DAB2IP: variants seen among roughly 807,000 people sequenced by gnomAD.
The protein encoded by DAB2IP is disabled homolog 2-interacting protein.
A neutral mutation model predicts 107.2 loss-of-function variants in DAB2IP; 28 were observed. That is an observed-to-expected ratio of 0.26 (90% confidence interval 0.19 to 0.36). The LOEUF (loss-of-function observed/expected upper bound fraction) is 0.36, where lower values mean the gene tolerates loss of function less well. DAB2IP is among the 10% of genes least tolerant of loss of function. The probability of loss-of-function intolerance (pLI) is 1.00; values close to 1 mark genes in which losing one functional copy is unlikely to be tolerated. For missense variants in DAB2IP, 1,400 were observed against 1,644.7 expected (o/e 0.85, Z 2.57); for synonymous variants, 755 against 706.4 (o/e 1.07, Z -1.09).
chr9:121,599,552 C>T lies in DAB2IP; in HGVS notation c.40+32324C>T, dbSNP rs1051137089. On this transcript the variant is annotated intron_variant, in intron 1 of 16. Coordinates refer to the DAB2IP transcript ENST00000259371. The surrounding 1 kb of genome is among the most constrained non-coding windows in gnomAD (Gnocchi z 6.9). ...CCCGGGAGCCGTAGAGCGGCGGCGC[C>T]GGGGGAGGCGCGGAGCCGGCCGTAG... 6.6e-6 allele frequency among the ~76,000 whole-genome samples: 1 copy of T among 151,876 alleles called. No individual in the cohort carries two copies. Among genetic ancestry groups the T allele is most frequent in the African/African-American group, 2.4e-5 (1 of 41,390 alleles).
chr9:121,714,341 T>C (rs1292371369), intron 3 of DAB2IP, among the ~76,000 whole-genome samples: 1 of 152,170 alleles, frequency 6.6e-6, no homozygotes, highest in East Asian at 1.9e-4. Context: ...CATTGTGAGA[T>C]TAATGGGAGA....
At chr9:121,744,943 T>C (rs1037585970) in intron 3 of DAB2IP, among the ~76,000 whole-genome samples, 1 of 152,096 alleles carries the variant, frequency 6.6e-6, no homozygotes, top group Admixed American at 6.5e-5. Flanking sequence ...ATGAGCCAGA[T>C]AGGGCCAAGC....
At chr9:121,763,367 G>A (rs760643524) in intron 6 of DAB2IP, 138 bp from the exon 7 acceptor site, 12 of 1,267,494 alleles carry the variant, frequency 9.5e-6, no homozygotes, top group Admixed American at 2.6e-5. Flanking sequence ...TGGGCACACT[G>A]TTCCTCTCCG....
chr9:121,626,963 C>T (rs1274864961), intron 1 of DAB2IP, among the ~76,000 whole-genome samples: 2 of 151,830 alleles, frequency 1.3e-5, no homozygotes, highest in Non-Finnish European at 2.9e-5. Flanking sequence ...CCCATCTACT[C>T]TCTGTGCTCA....
At chr9:121,610,062 GT>G (rs1450477860) in intron 1 of DAB2IP, among the ~76,000 whole-genome samples, 7 of 152,098 alleles carry the variant, frequency 4.6e-5, no homozygotes, top group Non-Finnish European at 8.8e-5. Context: ...GTGTATGTGT[GT>G]GTGTGTGTGT....
upstream of DAB2IP, among the ~76,000 whole-genome samples, chr9:121,647,114 C>T (rs780430090): frequency 4.7e-4 from 71 of 152,186 alleles, no homozygotes; most frequent in Non-Finnish European, 8.7e-4. Context: ...AACTTGTAAC[C>T]CTCCTCTGTT....
intron 1 of DAB2IP, among the ~76,000 whole-genome samples, chr9:121,606,994 C>T (rs1463228711): frequency 2.0e-5 from 3 of 152,056 alleles, no homozygotes; most frequent in African/African-American, 7.2e-5. Context: ...AGGCTGGTCT[C>T]AAACTCCTGA....
chr9:121,629,967 A>G (rs992116953), intron 1 of DAB2IP, among the ~76,000 whole-genome samples: 2 of 152,346 alleles, frequency 1.3e-5, no homozygotes, highest in Middle Eastern at 3.4e-3. Flanking sequence ...TAGGAAAAAA[A>G]GAATCCCACT....
intron 1 of DAB2IP, among the ~76,000 whole-genome samples, chr9:121,665,654 G>A (rs142926817): frequency 6.6e-6 from 1 of 152,252 alleles, no homozygotes; most frequent in Non-Finnish European, 1.5e-5. Flanking sequence ...TATGAAAGAA[G>A]CAACCAAGGT....
chr9:121,783,584 G>A, exon 16 of DAB2IP: 3 of 1,612,904 alleles, frequency 1.9e-6, no homozygotes, highest in South Asian at 1.1e-5. Context: ...GAACACAGGG[G>A]CCTTTTAAGT....
intron 14 of DAB2IP, among the ~76,000 whole-genome samples, chr9:121,778,295 T>C (rs1408100333): frequency 6.6e-6 from 1 of 152,158 alleles, no homozygotes; most frequent in East Asian, 1.9e-4. Flanking sequence ...ATTAAGATAA[T>C]CAATCACCTT....
rs372840825 is a variant in DAB2IP at position 121,782,322 on chromosome 9, T to C, written c.3403-9T>C. On this transcript the variant is annotated splice_polypyrimidine_tract_variant and intron_variant, in intron 15 of 15. Coordinates refer to ENST00000408936, the Ensembl canonical transcript of DAB2IP. This position sits in a 1 kb window ranked among gnomAD's most constrained non-coding sequence, Gnocchi z 6.1. ...CCATGACCCCCGCTCACATCCCCAT[T>C]GTCCACAGGAGAAGCGCATTGCCTC... The C allele has an allele frequency of 3.7e-6, 6 of 1,612,414 alleles. No individual in the cohort carries two copies. The African/African-American group carries it at 8.0e-5, about 22-fold the overall frequency.
chr9:121,641,947 T>G (rs1564128372), intron 1 of DAB2IP, among the ~76,000 whole-genome samples: 18 of 125,092 alleles, frequency 1.4e-4, no homozygotes, highest in African/African-American at 4.6e-4. Context: ...CTCTCTTTCT[T>G]TCCTTTCTTT....
intron 2 of DAB2IP, among the ~76,000 whole-genome samples, chr9:121,689,565 G>C (rs1056770625): frequency 1.4e-5 from 2 of 146,006 alleles, no homozygotes; most frequent in African/African-American, 5.1e-5. Context: ...CTGGGGTCCT[G>C]TTTTTTCCTT....
Position 121,684,399 on chromosome 9 carries a change from C to G in DAB2IP, c.228+5618C>G, listed in dbSNP as rs118064639. ...CACCCCTTACTCCTTCCTGTCCTCT[C>G]CTCCCAGCACCTGGATATCAGCCAC... On this transcript the variant is annotated intron_variant, in intron 2 of 15. Coordinates refer to ENST00000408936, the Ensembl canonical transcript of DAB2IP. This position sits in a 1 kb window ranked among gnomAD's most constrained non-coding sequence, Gnocchi z 4.0. Among the ~76,000 whole-genome samples the G allele has an allele frequency of 6.6e-6, 1 of 152,310 alleles. No homozygotes were observed. The highest frequency in any genetic ancestry group is 1.9e-4 in the East Asian group (1 of 5,182).
At chr9:121,676,785 G>A (rs1833931928) in intron 1 of DAB2IP, among the ~76,000 whole-genome samples, 1 of 152,226 alleles carries the variant, frequency 6.6e-6, no homozygotes, top group Non-Finnish European at 1.5e-5. Context: ...TCCAGGGCCT[G>A]CAGGATGGAC....
At chr9:121,749,326 T>C (rs1458717983) in intron 3 of DAB2IP, among the ~76,000 whole-genome samples, 2 of 152,244 alleles carry the variant, frequency 1.3e-5, no homozygotes, top group Non-Finnish European at 2.9e-5. Flanking sequence ...GTCCAGACTC[T>C]CTTTTTTTCC....
rs758173378 is a variant in DAB2IP at position 121,678,788 on chromosome 9, ATC to A, written c.228+11_228+12del. Reference sequence around the variant, plus strand: ...CACGCCGTTCCGGGTCACGGTAACTATCTCTGCGTCACCAACACCGCCACTGC... The same window carrying A: ...CACGCCGTTCCGGGTCACGGTAACTATCTGCGTCACCAACACCGCCACTGC... On this transcript the variant is annotated splice_region_variant and intron_variant, in intron 2 of 15. Coordinates refer to ENST00000408936, the Ensembl canonical transcript of DAB2IP. 7.7e-6 allele frequency: 12 copies of A among 1,567,986 alleles called. No individual in the cohort carries two copies. The highest frequency in any genetic ancestry group is 8.7e-6 in the Non-Finnish European group (10 of 1,153,778).
Position 121,760,406 on chromosome 9 carries a change from G to A in DAB2IP, c.1137G>A (p.Leu379=), listed in dbSNP as rs1301342781. ...CCAAGGAGGAGATGGCATCTGCCCT[G>A]GTGCACATCCTGCAGAGCACGGGCA... The change falls in exon 6 of 16, where the codon CTG becomes CTA. Residue 379 remains leucine (L), a synonymous_variant. Transcript: ENST00000408936. This position sits in a 1 kb window ranked among gnomAD's most constrained non-coding sequence, Gnocchi z 5.9. 2 of 1,607,222 alleles carry A rather than the reference G, an allele frequency of 1.2e-6. No individual in the cohort carries two copies.
Sources: gnomAD v4.1 joint callset for allele counts (sites outside exome capture counted in the v4.1 genomes callset) on GRCh38, gnomAD v4.1.1 for gene constraint, Gnocchi (gnomAD v3.1) non-coding constraint, MANE v1.5 for transcripts, NCBI Gene and HGNC (gene_info 2026-07-23, HGNC 2026-07-21) for gene names.